The following PARD3 variants were observed in gnomAD, a reference collection of about 807,000 sequenced individuals.
PARD3 encodes partitioning defective 3 homolog.
In PARD3, 75 loss-of-function variants were observed where a neutral mutation model predicts 155.4. That is an observed-to-expected ratio of 0.48 (90% CI 0.40 to 0.58). The LOEUF (loss-of-function observed/expected upper bound fraction) is 0.58. Among genes scored for constraint, PARD3 ranks in the 20% least tolerant of loss-of-function variants. PARD3 has a pLI of 0.00. For synonymous variants in PARD3, 576 were observed against 610.5 expected (o/e 0.94, Z 0.83); for missense variants, 1,642 against 1,721.7 (o/e 0.95, Z 0.82).
chr10:34,811,072 C>G (rs1844097478), intron 1 of PARD3, among the ~76,000 whole-genome samples: 1 of 152,188 alleles, frequency 6.6e-6, no homozygotes, highest in Admixed American at 6.5e-5. Context: ...CTTGCCCTCA[C>G]TTTTGCCCTT....
chr10:34,134,699 T>C (rs1256814967), intron 22 of PARD3, among the ~76,000 whole-genome samples: 1 of 152,236 alleles, frequency 6.6e-6, no homozygotes, highest in Non-Finnish European at 1.5e-5. Context: ...TGTCTAAGAC[T>C]GGCAAAACCA....
intron 1 of PARD3, among the ~76,000 whole-genome samples, chr10:34,724,606 T>G (rs1305496706): frequency 6.6e-6 from 1 of 152,210 alleles, no homozygotes; most frequent in African/African-American, 2.4e-5. Flanking sequence ...ATAGTGAATA[T>G]ATATAAGCTA....
intron 1 of PARD3, among the ~76,000 whole-genome samples, chr10:34,720,259 C>A (rs1434157724): frequency 6.6e-6 from 1 of 152,008 alleles, no homozygotes; most frequent in African/African-American, 2.4e-5. Context: ...CATGGCGAAA[C>A]CCTGTCTCTA....
At chr10:34,727,248 A>C (rs1590840181) in intron 1 of PARD3, among the ~76,000 whole-genome samples, 1 of 152,218 alleles carries the variant, frequency 6.6e-6, no homozygotes, top group Non-Finnish European at 1.5e-5. Context: ...GAGAGCATGA[A>C]CCCTATCTAA....
chr10:34,109,983 A>G lies in PARD3; in HGVS notation c.*1186T>C, dbSNP rs1946324655. 1 of 126,088 alleles carries G rather than the reference A, an allele frequency of 7.9e-6. No individual in the cohort carries two copies. 7.8% of individuals were successfully genotyped at this position (126,088 alleles called of 1,614,324 possible). A position where few individuals can be genotyped will look rare whatever the true frequency, so the allele number is the denominator to read the frequency against. On this transcript the variant is annotated 3_prime_UTR_variant, in exon 25 of 25. Transcript: ENST00000374788. ...GTTCAGAACAATGAAGGAAGATGGG[A>G]GCCACCGAGATCCCCGAGACCCACA...
At position 34,673,430 on chromosome 10, in the gene PARD3, T is replaced by C. The variant is rs1327187631; in HGVS notation, c.222+22888A>G. ...TATAAGCTATCCTCGAAAATATGAA[T>C]TGTATTTAAGTTTTGGAACCTCTCA... On this transcript the variant is annotated intron_variant, in intron 2 of 24. Coordinates refer to ENST00000374788, the MANE Select transcript of PARD3 (RefSeq NM_001184785.2). 2.6e-5 allele frequency among the ~76,000 whole-genome samples: 4 copies of C among 152,204 alleles called. No homozygotes were observed. In the East Asian group the frequency reaches 7.7e-4, roughly 29 times the overall value.
At chr10:34,158,595 C>T (rs1180992228) in intron 22 of PARD3, among the ~76,000 whole-genome samples, 1 of 152,206 alleles carries the variant, frequency 6.6e-6, no homozygotes, top group Non-Finnish European at 1.5e-5. Flanking sequence ...CTATAAGAAA[C>T]CGGGTCCCAA....
At chr10:34,388,477 A>C (rs2891454) in intron 7 of PARD3, among the ~76,000 whole-genome samples, 34,911 of 152,132 alleles carry the variant, frequency 0.23, 4,988 homozygotes, top group South Asian at 0.46. Flanking sequence ...TCGCGAGCAG[A>C]TACATTTCCA....
intron 2 of PARD3, among the ~76,000 whole-genome samples, chr10:34,611,762 C>T (rs904329820): frequency 6.6e-6 from 1 of 151,106 alleles, no homozygotes; most frequent in Non-Finnish European, 1.5e-5. Flanking sequence ...AATTTATTTT[C>T]ATCCACGTAC....
At chr10:34,198,082 C>G (rs1951034561) in intron 22 of PARD3, among the ~76,000 whole-genome samples, 1 of 152,198 alleles carries the variant, frequency 6.6e-6, no homozygotes, top group Admixed American at 6.5e-5. Flanking sequence ...TCGGACCTTG[C>G]TATTCACATT....
chr10:34,196,674 T>C (rs1038548149), intron 22 of PARD3, among the ~76,000 whole-genome samples: 27 of 149,952 alleles, frequency 1.8e-4, no homozygotes, highest in East Asian at 4.1e-4. Flanking sequence ...CCTGGGTTCA[T>C]GCCATTCTCC....
At chr10:34,462,440 A>C (rs1009891602) in intron 4 of PARD3, among the ~76,000 whole-genome samples, 8 of 152,372 alleles carry the variant, frequency 5.3e-5, no homozygotes, top group African/African-American at 1.9e-4. Flanking sequence ...GAAAAAAATA[A>C]AATAAACTTT....
At chr10:34,732,857 C>T (rs1422258867) in intron 1 of PARD3, among the ~76,000 whole-genome samples, 1 of 152,174 alleles carries the variant, frequency 6.6e-6, no homozygotes, top group Non-Finnish European at 1.5e-5. Context: ...CCCATACCTC[C>T]CTCAGCAATA....
chr10:34,809,706 G>A (rs770367159), intron 1 of PARD3, among the ~76,000 whole-genome samples: 6 of 152,144 alleles, frequency 3.9e-5, no homozygotes, highest in South Asian at 2.1e-4. Flanking sequence ...TGGAGAACGC[G>A]GGACAAAGGC....
At chr10:34,635,933 G>A (rs1046254359) in intron 2 of PARD3, among the ~76,000 whole-genome samples, 1 of 151,846 alleles carries the variant, frequency 6.6e-6, no homozygotes, top group Non-Finnish European at 1.5e-5. Flanking sequence ...AATGAGAACA[G>A]AGCCTGGACA....
chr10:34,677,693 C>G (rs1215137478), intron 2 of PARD3, among the ~76,000 whole-genome samples: 2 of 152,164 alleles, frequency 1.3e-5, no homozygotes, highest in African/African-American at 4.8e-5. Context: ...AAGCACCTAT[C>G]TGTAATGCTG....
intron 22 of PARD3, among the ~76,000 whole-genome samples, chr10:34,253,332 C>A (rs1428312069): frequency 6.6e-6 from 1 of 152,186 alleles, no homozygotes; most frequent in Non-Finnish European, 1.5e-5. Context: ...AGCCTACAGG[C>A]CCTAGCAATA....
At chr10:34,306,414 G>A (rs534208119) in intron 20 of PARD3, among the ~76,000 whole-genome samples, 8 of 152,252 alleles carry the variant, frequency 5.3e-5, no homozygotes, top group African/African-American at 1.9e-4. Flanking sequence ...CACTTTGGGA[G>A]GCCAAGGCAG....
chr10:34,216,481 T>C (rs1952007741), intron 22 of PARD3, among the ~76,000 whole-genome samples: 1 of 152,194 alleles, frequency 6.6e-6, no homozygotes, highest in Non-Finnish European at 1.5e-5. Context: ...CAATTTCACA[T>C]AAACCAGGAC....
Sources: allele counts gnomAD v4.1 joint callset (sites outside exome capture counted in the v4.1 genomes callset), GRCh38; gene constraint gnomAD v4.1.1; transcripts MANE v1.5; gene names NCBI Gene and HGNC (gene_info 2026-07-23, HGNC 2026-07-21).